Variants in TUBA1C observed in about 807,000 individuals in gnomAD.
The protein encoded by TUBA1C is tubulin alpha 1c, also known as tubulin alpha-1C chain.
Under a neutral mutation model 34.9 loss-of-function variants are expected in TUBA1C, and 16 were observed. The observed-to-expected ratio is 0.46, with a 90% CI of 0.31 to 0.70. The LOEUF is 0.70. Ranked by LOEUF, TUBA1C falls within the 30% of genes least tolerant of loss-of-function variation. The pLI, the probability that TUBA1C is intolerant of heterozygous loss-of-function variation, is 0.05. For synonymous variants in TUBA1C, 177 were observed against 215.9 expected (o/e 0.82, Z 1.58); for missense variants, 329 against 587.3 (o/e 0.56, Z 4.55).
chr12:49,260,765 T>C (rs1221850163), upstream of TUBA1C, among the ~76,000 whole-genome samples: 1 of 152,158 alleles, frequency 6.6e-6, no homozygotes, highest in African/African-American at 2.4e-5. Flanking sequence ...CAGGGTCTGT[T>C]TTCCCCCCAG....
intron 1 of TUBA1C, among the ~76,000 whole-genome samples, chr12:49,232,095 G>T (rs922337277): frequency 6.6e-6 from 1 of 152,136 alleles, no homozygotes; most frequent in African/African-American, 2.4e-5. Context: ...GCCACCCAAC[G>T]CTTGCTTTCA....
At chr12:49,267,047 G>A (rs1184213265) in intron 1 of TUBA1C, among the ~76,000 whole-genome samples, 1 of 152,122 alleles carries the variant, frequency 6.6e-6, no homozygotes, top group African/African-American at 2.4e-5. Flanking sequence ...TTAACGAGAG[G>A]TAAGAGCTGC....
intron 1 of TUBA1C, among the ~76,000 whole-genome samples, chr12:49,241,577 G>A (rs767710172): frequency 2.6e-5 from 4 of 152,094 alleles, no homozygotes; most frequent in Non-Finnish European, 4.4e-5. Context: ...AATTTCTGGT[G>A]TATGATAAAT....
chr12:49,235,733 A>C (rs907964968), intron 1 of TUBA1C, among the ~76,000 whole-genome samples: 52 of 122,816 alleles, frequency 4.2e-4, no homozygotes, highest in African/African-American at 1.8e-3. Flanking sequence ...ACTCGGTCTC[A>C]AAAAAAAAAA....
In TUBA1C at chr12:49,273,871, CACGAGCCCAGGAAT is replaced by C. The variant is rs1943028320; in HGVS notation, c.*645_*658del. The C allele has an allele frequency of 6.5e-6, 1 of 154,892 alleles. No individual in the cohort carries two copies. The highest frequency in any genetic ancestry group is 2.4e-5 in the African/African-American group (1 of 41,400). The allele number at this position is 154,892 out of a possible 1,614,324, so 9.6% of individuals were successfully genotyped here. ...CTTCGGGAGGCCAAGTTGGGTGGATCACGAGCCCAGGAATTCGAGACCAGCCTGGGCAACATGGT... is the reference window on the plus strand; with the variant it reads ...CTTCGGGAGGCCAAGTTGGGTGGATCTCGAGACCAGCCTGGGCAACATGGT... On this transcript the variant is annotated 3_prime_UTR_variant, in exon 4 of 4. Coordinates refer to ENST00000301072, the MANE Select transcript of TUBA1C (RefSeq NM_032704.5).
At chr12:49,229,436 G>T (rs535151337) in intron 1 of TUBA1C, among the ~76,000 whole-genome samples, 1 of 152,320 alleles carries the variant, frequency 6.6e-6, no homozygotes, top group Admixed American at 6.5e-5. Context: ...GCCTCCCAAA[G>T]TGCTGGCATT....
rs144617308 is a variant in TUBA1C at position 49,254,440 on chromosome 12, C to G, written c.214-15025C>G. On this transcript the variant is annotated intron_variant, in intron 1 of 3. Coordinates refer to the TUBA1C transcript ENST00000541364. Reference sequence around the variant, plus strand: ...GCTGCATCATTGAACCGAGATCATGCCACTGCACTCCAGCCTGGGCAACAG... The same window carrying G: ...GCTGCATCATTGAACCGAGATCATGGCACTGCACTCCAGCCTGGGCAACAG... 5.6e-3 allele frequency among the ~76,000 whole-genome samples: 835 copies of G among 148,006 alleles called. 14 individuals carry two copies. Among genetic ancestry groups the G allele is most frequent in the East Asian group, 0.026 (130 of 5,056 alleles).
intron 1 of TUBA1C, among the ~76,000 whole-genome samples, chr12:49,238,877 C>T (rs1942584527): frequency 6.6e-6 from 1 of 152,174 alleles, no homozygotes; most frequent in Non-Finnish European, 1.5e-5. Context: ...GGGCACACCA[C>T]TCTCCAGGAA....
intron 1 of TUBA1C, among the ~76,000 whole-genome samples, chr12:49,256,725 G>A (rs1333579238): frequency 6.6e-6 from 1 of 152,174 alleles, no homozygotes; most frequent in African/African-American, 2.4e-5. Flanking sequence ...AGGCCTGCAA[G>A]TGCAGACCCT....
intron 1 of TUBA1C, among the ~76,000 whole-genome samples, chr12:49,259,516 C>A (rs1187656457): frequency 6.6e-6 from 1 of 152,184 alleles, no homozygotes; most frequent in Non-Finnish European, 1.5e-5. Context: ...AGCCACCACG[C>A]CCAACCTAGA....
chr12:49,267,020 T>C (rs912801819), intron 1 of TUBA1C, among the ~76,000 whole-genome samples: 1 of 152,118 alleles, frequency 6.6e-6, no homozygotes, highest in Non-Finnish European at 1.5e-5. Context: ...TGAACACTGG[T>C]TAAATTTTCT....
In TUBA1C at chr12:49,273,090, G is replaced by T; in HGVS notation, c.1213G>T (p.Val405Phe). The T allele has an allele frequency of 1.2e-6, 2 of 1,614,224 alleles. No homozygotes were observed. Among genetic ancestry groups the T allele is most frequent in the Non-Finnish European group, 1.7e-6 (2 of 1,180,046 alleles). ...FDLMYAKRAF[V>F]HWYVGEGMEE... ...CCTGATGTATGCCAAGCGTGCCTTT[G>T]TTCACTGGTACGTGGGTGAGGGGAT... The change falls in exon 4 of 4, where the codon GTT becomes TTT. Residue 405 changes from valine to phenylalanine, a missense_variant. By Grantham distance (50) the Val-to-Phe change is conservative (BLOSUM62 -1). Around this residue, in one of 4 missense-constraint regions of TUBA1C, gnomAD observed 140 missense variants for 289.8 expected, o/e 0.48. Transcript: ENST00000301072.
At chr12:49,246,629 C>T (rs1001738108) in intron 1 of TUBA1C, among the ~76,000 whole-genome samples, 4 of 150,746 alleles carry the variant, frequency 2.7e-5, no homozygotes, top group African/African-American at 4.9e-5. Flanking sequence ...GAGCGGAGAT[C>T]GCACCACTGC....
At chr12:49,267,958 G>C (rs1055518868) in intron 1 of TUBA1C, among the ~76,000 whole-genome samples, 33 of 152,226 alleles carry the variant, frequency 2.2e-4, no homozygotes, top group African/African-American at 7.5e-4. Context: ...TTAAGTCTGT[G>C]TGTACAGATT....
upstream of TUBA1C, among the ~76,000 whole-genome samples, chr12:49,260,869 A>C (rs1942834145): frequency 6.6e-6 from 1 of 152,020 alleles, no homozygotes; most frequent in African/African-American, 2.4e-5. Context: ...TAGCTGGCCG[A>C]CAGGCACACA....
chr12:49,252,435 C>T (rs1942740266), intron 1 of TUBA1C, among the ~76,000 whole-genome samples: 1 of 152,140 alleles, frequency 6.6e-6, no homozygotes, highest in South Asian at 2.1e-4. Context: ...GAAGACATAG[C>T]AGTAGGGGCT....
intron 1 of TUBA1C, among the ~76,000 whole-genome samples, chr12:49,249,033 CAT>C (rs1475626435): frequency 6.6e-6 from 1 of 151,978 alleles, no homozygotes; most frequent in African/African-American, 2.4e-5. Flanking sequence ...GAAAATACAA[CAT>C]ATCAAAATTT....
At position 49,250,894 on chromosome 12, in the gene TUBA1C, T is replaced by TA. The variant is rs201829785; in HGVS notation, c.214-18563dup. ...TCCAAACATACCTATATCAAGTGGT[T>TA]AAAAAAAATGAATTTAAAAAACAAT... On this transcript the variant is annotated intron_variant, in intron 1 of 3. Coordinates refer to the TUBA1C transcript ENST00000541364. Among the ~76,000 whole-genome samples, 1,210 of 151,534 alleles carry TA rather than the reference T, an allele frequency of 8.0e-3. 15 individuals are homozygous for TA. Among genetic ancestry groups the TA allele is most frequent in the African/African-American group, 0.028 (1,139 of 41,296 alleles).
intron 1 of TUBA1C, among the ~76,000 whole-genome samples, chr12:49,248,385 C>A (rs1942695898): frequency 6.6e-6 from 1 of 151,766 alleles, no homozygotes; most frequent in Non-Finnish European, 1.5e-5. Flanking sequence ...GCCTGGCCAA[C>A]AAGGTGAAAC....
Sources: gnomAD v4.1 joint callset for allele counts (sites outside exome capture counted in the v4.1 genomes callset) on GRCh38, gnomAD v4.1.1 for gene constraint, gnomAD v4.1.1 regional missense constraint, MANE v1.5 for transcripts, NCBI Gene and HGNC (gene_info 2026-07-23, HGNC 2026-07-21) for gene names.